Variants in PCDHGB3 observed in about 807,000 individuals in gnomAD.
PCDHGB3 encodes the protein protocadherin gamma-B3.
A neutral mutation model predicts 59.2 loss-of-function variants in PCDHGB3; 40 were observed. The observed-to-expected ratio is 0.68, with a 90% CI of 0.52 to 0.88. The LOEUF (loss-of-function observed/expected upper bound fraction) is 0.88, where lower values mean the gene tolerates loss of function less well. Among genes scored for constraint, PCDHGB3 ranks in the 40% least tolerant of loss-of-function variants. PCDHGB3 has a pLI of 0.00. For synonymous variants in PCDHGB3, 581 were observed against 503.6 expected, an observed-to-expected ratio of 1.15 and a Z score of -2.06; for missense variants, 1,309 against 1,187.9, an observed-to-expected ratio of 1.10 and a Z score of -1.50.
At chr5:141,374,467 C>A (rs1430397717) in intron 1 of PCDHGB3, 1 of 1,612,694 alleles carries the variant, frequency 6.2e-7, no homozygotes, top group Admixed American at 1.7e-5. Flanking sequence ...ACATTAATGA[C>A]AATACACCCC....
At chr5:141,495,193 T>G (rs1471524188) in intron 2 of PCDHGB3, among the ~76,000 whole-genome samples, 2 of 152,192 alleles carry the variant, frequency 1.3e-5, no homozygotes, top group Non-Finnish European at 2.9e-5. Flanking sequence ...TCTATGCCCA[T>G]GTACTGCCTA....
chr5:141,497,796 TC>T (rs1251163385), intron 2 of PCDHGB3, among the ~76,000 whole-genome samples: 2 of 152,160 alleles, frequency 1.3e-5, no homozygotes, highest in African/African-American at 2.4e-5. Context: ...TGCTTCAGCT[TC>T]CCAAAGTGCT....
At chr5:141,496,076 C>A (rs2099765713) in intron 2 of PCDHGB3, among the ~76,000 whole-genome samples, 1 of 152,010 alleles carries the variant, frequency 6.6e-6, no homozygotes, top group Non-Finnish European at 1.5e-5. Context: ...GCACACACAA[C>A]CCCCCACCCA....
At position 141,477,217 on chromosome 5, in the gene PCDHGB3, G is replaced by T. The variant is rs745497348; in HGVS notation, c.2416-17590G>T. On this transcript the variant is annotated intron_variant, in intron 1 of 3. Transcript: ENST00000576222. This position sits in a 1 kb window ranked among gnomAD's most constrained non-coding sequence, Gnocchi z 4.9. ...GCCCAGTACCCGAGGATGCCCCTCTGGGGACTGTCATCGCTTTGCTCAGTG... is the reference window on the plus strand; with the variant it reads ...GCCCAGTACCCGAGGATGCCCCTCTTGGGACTGTCATCGCTTTGCTCAGTG... The T allele has an allele frequency of 8.1e-6, 13 of 1,614,178 alleles. No homozygotes were observed. The African/African-American group carries it at 1.7e-4, about 22-fold the overall frequency.
At chr5:141,409,276 G>A (rs1458443407) in intron 1 of PCDHGB3, 5 of 1,613,882 alleles carry the variant, frequency 3.1e-6, no homozygotes, top group African/African-American at 2.7e-5. Context: ...AGATTTTGGA[G>A]AATTCACCTC....
chr5:141,450,006 C>CTATTTTTTT (rs70988802), intron 1 of PCDHGB3, among the ~76,000 whole-genome samples: 8 of 132,970 alleles, frequency 6.0e-5, no homozygotes, highest in African/African-American at 8.4e-5. Context: ...TGCCATGTCT[C>CTATTTTTTT]TTTTTTTTTT....
At chr5:141,395,067 A>G (rs1200049263) in intron 1 of PCDHGB3, 4 of 1,613,888 alleles carry the variant, frequency 2.5e-6, no homozygotes, top group South Asian at 1.1e-5. Context: ...TTTCCTGCAG[A>G]CCTATTCCCA....
rs70988800 is a variant in PCDHGB3, at chr5:141,379,889, CTTTTTTTTTTTTTTT to C, written c.2415+7096_2415+7110del. On this transcript the variant is annotated intron_variant, in intron 1 of 3. Coordinates refer to ENST00000576222, the MANE Select transcript of PCDHGB3 (RefSeq NM_018924.5). ...CTTATTTTATGGTCTGTGAAAGCCT[CTTTTTTTTTTTTTTT>C]TTTTTTTTTTTTTTTGTCAGAGTCT... Among the ~76,000 whole-genome samples the C allele has an allele frequency of 9.8e-4, 50 of 50,836 alleles. 1 individual carries two copies. Among genetic ancestry groups the C allele is most frequent in the Non-Finnish European group, 5.4e-4 (14 of 25,884 alleles). The allele number at this position is 50,836 out of a possible 152,430, so 33.4% of individuals were successfully genotyped here.
chr5:141,433,837 C>CAAA lies in PCDHGB3; in HGVS notation c.2416-60954_2416-60952dup, dbSNP rs56191208. The stretch of plus-strand genomic sequence containing the variant: ...GGGCAACAAGAGTGAAACTCTATCT[C>CAAA]AAAAAAAAAAAAAAAAAACTTTATC... On this transcript the variant is annotated intron_variant, in intron 1 of 3. Transcript: ENST00000576222. 4.3e-3 allele frequency among the ~76,000 whole-genome samples: 475 copies of CAAA among 111,672 alleles called. 6 individuals carry two copies. The highest frequency in any genetic ancestry group is 0.013 in the African/African-American group (431 of 32,292). The allele number at this position is 111,672 out of a possible 152,430, so 73.3% of individuals were successfully genotyped here.
intron 1 of PCDHGB3, chr5:141,400,753 T>C: frequency 1.7e-6 from 1 of 597,232 alleles, no homozygotes; most frequent in Non-Finnish European, 2.9e-6. Flanking sequence ...CTTAGCTTCC[T>C]CTCTAGCAAA....
intron 1 of PCDHGB3, among the ~76,000 whole-genome samples, chr5:141,401,503 C>T (rs755118621): frequency 6.6e-6 from 1 of 151,946 alleles, no homozygotes; most frequent in Non-Finnish European, 1.5e-5. Context: ...AATCCTTTTC[C>T]ACCTCTATAT....
chr5:141,420,722 A>T (rs1428516588), intron 1 of PCDHGB3, among the ~76,000 whole-genome samples: 4 of 152,226 alleles, frequency 2.6e-5, no homozygotes, highest in Admixed American at 6.5e-5. Flanking sequence ...CGTTCCTTTC[A>T]GTCGGTTAAA....
intron 1 of PCDHGB3, among the ~76,000 whole-genome samples, chr5:141,380,822 T>G (rs1446261285): frequency 1.3e-5 from 2 of 152,212 alleles, no homozygotes; most frequent in African/African-American, 4.8e-5. Flanking sequence ...AACTATGAAT[T>G]TTGAGGCATC....
At position 141,393,619 on chromosome 5, in the gene PCDHGB3, C is replaced by T. The variant is rs768350628; in HGVS notation, c.2415+20810C>T. 50 of 1,613,708 alleles carry T rather than the reference C, an allele frequency of 3.1e-5. No homozygotes were observed. Among genetic ancestry groups the T allele is most frequent in the Admixed American group, 6.7e-5 (4 of 60,000 alleles). ...CTGCTTACTGTAACAGCCAGCGACC[C>T]GGATGAGGGAATCAACGGAAAAGTG... On this transcript the variant is annotated intron_variant, in intron 1 of 3. Transcript: ENST00000576222.
intron 1 of PCDHGB3, among the ~76,000 whole-genome samples, chr5:141,472,015 T>C (rs2099269555): frequency 6.6e-6 from 1 of 152,164 alleles, no homozygotes; most frequent in African/African-American, 2.4e-5. Flanking sequence ...AGGGGCACTA[T>C]ATTGTATGTA....
At chr5:141,424,928 T>C (rs2096848391) in intron 1 of PCDHGB3, among the ~76,000 whole-genome samples, 1 of 152,204 alleles carries the variant, frequency 6.6e-6, no homozygotes, top group South Asian at 2.1e-4. Flanking sequence ...ATCAATTCAG[T>C]CAACACTCTC....
chr5:141,389,324 G>A (rs1425596117), intron 1 of PCDHGB3: 2 of 1,613,848 alleles, frequency 1.2e-6, no homozygotes, highest in African/African-American at 1.3e-5. Flanking sequence ...CGGACTTGGG[G>A]CCCAACGGCC....
At chr5:141,398,746 T>TAC in intron 1 of PCDHGB3, 1 of 1,613,420 alleles carries the variant, frequency 6.2e-7, no homozygotes, top group South Asian at 1.1e-5. Context: ...ACAACAGAGT[T>TAC]ACCATCGTTT....
intron 1 of PCDHGB3, among the ~76,000 whole-genome samples, chr5:141,458,247 C>T (rs758242859): frequency 4.6e-5 from 7 of 152,100 alleles, no homozygotes; most frequent in South Asian, 2.1e-4. Flanking sequence ...CAAAATGATA[C>T]GGCTCTGATG....
Sources: allele counts gnomAD v4.1 joint callset (sites outside exome capture counted in the v4.1 genomes callset), GRCh38; gene constraint gnomAD v4.1.1; non-coding constraint Gnocchi (gnomAD v3.1); transcripts MANE v1.5; gene names NCBI Gene and HGNC (gene_info 2026-07-23, HGNC 2026-07-21).